The following COX6A2 variants were observed in gnomAD, a reference collection of about 807,000 sequenced individuals.
COX6A2 encodes the protein cytochrome c oxidase subunit 6A2.
COX6A2 carries 5 observed loss-of-function variants against 7.2 expected under a neutral mutation model. The observed-to-expected ratio is 0.69, with a 90% confidence interval of 0.36 to 1.45. The LOEUF (loss-of-function observed/expected upper bound fraction) is 1.45. COX6A2 is among the 40% of genes most tolerant of loss of function. The pLI is 0.03. For synonymous variants in COX6A2, 63 were observed against 55.9 expected, an observed-to-expected ratio of 1.13 and a Z score of -0.56; for missense variants, 174 against 137.7, an observed-to-expected ratio of 1.26 and a Z score of -1.32.
In COX6A2 at chr16:31,428,244, C is replaced by T; in HGVS notation, c.73+9G>A. 1 of 1,586,718 alleles carries T rather than the reference C, an allele frequency of 6.3e-7. No individual in the cohort carries two copies. The stretch of plus-strand genomic sequence containing the variant: ...GGGGAGCCCCCGGATCCGCCCGTTC[C>T]CCACTCACCTCCTGCTCCTCCGTGG... On this transcript the variant is annotated intron_variant, in intron 1 of 2. Coordinates refer to ENST00000287490, the MANE Select transcript of COX6A2 (RefSeq NM_005205.4).
Position 31,428,052 on chromosome 16 carries a change from T to G in COX6A2, c.173A>C (p.Glu58Ala). 6.5e-7 allele frequency: 1 copy of G among 1,538,104 alleles called. No individual in the cohort carries two copies. Among genetic ancestry groups the G allele is most frequent in the Non-Finnish European group, 8.7e-7 (1 of 1,143,050 alleles). The change falls in exon 2 of 3, where the codon GAG becomes GCG. Residue 58 changes from glutamate to alanine, a missense_variant. Transcript: ENST00000287490. The stretch of plus-strand genomic sequence containing the variant: ...GCGGAGGTGTTGGTAGGGACGGAAC[T>G]CGGGGCGCGGGCGGTGGCCCGAGTG... ...YLHSGHRPRP[E>A]FRPYQHLRIR...
At chr16:31,427,960 ACCC>A (rs1391925319) in intron 2 of COX6A2, 52 bp downstream of exon 2, 1 of 150,700 alleles carries the variant, frequency 6.6e-6, no homozygotes, top group African/African-American at 1.1e-4. Context: ...CCCCCGCAGC[ACCC>A]CCCCCCGCCC....
At chr16:31,428,216 G>T (rs370671772) in intron 1 of COX6A2, 37 bp downstream of exon 1, 610 of 1,549,544 alleles carry the variant, frequency 3.9e-4, no homozygotes, top group Non-Finnish European at 5.1e-4. Context: ...GGTGGGCAGG[G>T]TAGGGGAGCC....
At chr16:31,427,928 C>CCCCCGCCCCCGCAGCACCCCCCCCG in intron 2 of COX6A2, 71 bp from the exon 3 acceptor site, 2 of 332,816 alleles carry the variant, frequency 6.0e-6, no homozygotes, top group African/African-American at 1.2e-4. Flanking sequence ...GCGCGACCCC[C>CCCCCGCCCCCGCAGCACCCCCCCCG]CCCCCGCAGC....
At chr16:31,427,899 A>T in intron 2 of COX6A2, 42 bp from the exon 3 acceptor site, 2 of 800,456 alleles carry the variant, frequency 2.5e-6, no homozygotes, top group Non-Finnish European at 3.1e-6. Flanking sequence ...GAGCGCCGTG[A>T]GTCCGGAGTC....
intron 2 of COX6A2, 71 bp downstream of exon 2, chr16:31,427,944 C>A (rs1243491145): frequency 1.2e-5 from 4 of 332,218 alleles, no homozygotes; most frequent in Non-Finnish European, 4.4e-6. Context: ...GCAGCACCCC[C>A]CCCCGCCCCC....
In COX6A2 at chr16:31,428,108, G is replaced by A. The variant is rs1597176845; in HGVS notation, c.117C>T (p.Ser39=). The change falls in exon 2 of 3, where the codon AGC becomes AGT. Residue 39 remains serine, a synonymous_variant. Transcript: ENST00000287490. ...RLLTFVLALP[S]VALCTFNSYL... ...AGGAGTTGAAGGTGCAGAGGGCCAC[G>A]CTGGGCAGCGCCAGCACGAAGGTCA... 1.3e-6 allele frequency: 2 copies of A among 1,566,724 alleles called. No homozygotes were observed. The highest frequency in any genetic ancestry group is 1.7e-6 in the Non-Finnish European group (2 of 1,156,958).
At chr16:31,427,930 C>CA (rs1419988341) in intron 2 of COX6A2, 73 bp from the exon 3 acceptor site, 3 of 350,524 alleles carry the variant, frequency 8.6e-6, no homozygotes, top group Non-Finnish European at 1.2e-5. Flanking sequence ...GCGACCCCCC[C>CA]CCCGCAGCAC....
Position 31,427,793 on chromosome 16 carries a change from G to C in COX6A2, c.275C>G (p.Thr92Arg), listed in dbSNP as rs778229061. Reference sequence around the variant, plus strand: ...GGGGCCTCAGGGGTGTTCGTAGCCCGTGGGCAGAGGGTTCACGTGGCTATT... The same window carrying C: ...GGGGCCTCAGGGGTGTTCGTAGCCCCTGGGCAGAGGGTTCACGTGGCTATT... ...FHNSHVNPLP[T>R]GYEHP The change falls in exon 3 of 3, where the codon ACG becomes AGG. Residue 92 changes from threonine (T) to arginine (R), a missense_variant. By Grantham distance (71) the Thr-to-Arg change is moderately conservative. Coordinates refer to ENST00000287490, the MANE Select transcript of COX6A2 (RefSeq NM_005205.4). The C allele has an allele frequency of 1.4e-6, 2 of 1,413,046 alleles. No homozygotes were observed. Among genetic ancestry groups the C allele is most frequent in the Admixed American group, 2.9e-5 (1 of 34,016 alleles). The allele number at this position is 1,413,046 out of a possible 1,614,324, so 87.5% of individuals were successfully genotyped here. A position where few individuals can be genotyped will look rare whatever the true frequency, so the allele number is the denominator to read the frequency against.
intron 1 of COX6A2, 30 bp from the exon 2 acceptor site, chr16:31,428,181 T>G (rs1478303309): frequency 6.4e-7 from 1 of 1,558,032 alleles, no homozygotes; most frequent in Admixed American, 1.9e-5. Context: ...AGCGCGGCGG[T>G]CCTGGGGCGG....
intron 2 of COX6A2, 53 bp downstream of exon 2, chr16:31,427,962 C>G (rs1290362854): frequency 1.5e-6 from 1 of 663,892 alleles, no homozygotes; most frequent in African/African-American, 3.4e-5. Flanking sequence ...CCCGCAGCAC[C>G]CCCCCCCGCC....
Position 31,428,164 on chromosome 16 carries a change from C to A in COX6A2, c.74-13G>T, listed in dbSNP as rs745413427. On this transcript the variant is annotated splice_polypyrimidine_tract_variant and intron_variant, in intron 1 of 2. Coordinates refer to ENST00000287490, the MANE Select transcript of COX6A2 (RefSeq NM_005205.4). ...CGCCAGGTACGAGCTGCGGACGGAG[C>A]GGGGTGAGCGCGGCGGTCCTGGGGC... The A allele has an allele frequency of 1.9e-6, 3 of 1,566,920 alleles. No homozygotes were observed. The highest frequency in any genetic ancestry group is 2.7e-5 in the African/African-American group (2 of 73,522).
Position 31,427,841 on chromosome 16 carries a change from TC to T in COX6A2, c.226del (p.Asp76ThrfsTer12). 18 of 1,368,056 alleles carry T rather than the reference TC, an allele frequency of 1.3e-5. No individual in the cohort carries two copies. Among genetic ancestry groups the T allele is most frequent in the South Asian group, 9.5e-5 (5 of 52,724 alleles). 84.7% of individuals were successfully genotyped at this position (1,368,056 alleles called of 1,614,324 possible). On this transcript the variant is annotated frameshift_variant, in exon 3 of 3. Coordinates refer to ENST00000287490, the MANE Select transcript of COX6A2 (RefSeq NM_005205.4). LOFTEE classifies it high-confidence loss of function. ...ATTGTGGAACAGAGTGTGGTTGCCGTCCCCCCAGGGGTAGGGCTGTGGAGAG... is the reference window on the plus strand; with the variant it reads ...ATTGTGGAACAGAGTGTGGTTGCCGTCCCCCAGGGGTAGGGCTGTGGAGAG... ...RIRTKPYPWG[D>X]GNHTLFHNSH... is the part of the protein sequence containing the mutation.
chr16:31,427,760 G>A lies in COX6A2; in HGVS notation c.*14C>T. 1 of 1,399,038 alleles carries A rather than the reference G, an allele frequency of 7.1e-7. No individual in the cohort carries two copies. Among genetic ancestry groups the A allele is most frequent in the Non-Finnish European group, 9.3e-7 (1 of 1,071,572 alleles). 86.7% of individuals were successfully genotyped at this position (1,399,038 alleles called of 1,614,324 possible). On this transcript the variant is annotated 3_prime_UTR_variant, in exon 3 of 3. Coordinates refer to ENST00000287490, the MANE Select transcript of COX6A2 (RefSeq NM_005205.4). The stretch of plus-strand genomic sequence containing the variant: ...AGCTTCACACCTTTATTGTGTCCGG[G>A]GGCGTCCGGGGCCTCAGGGGTGTTC...
intron 1 of COX6A2, 25 bp from the exon 2 acceptor site, chr16:31,428,176 G>A: frequency 6.4e-7 from 1 of 1,561,416 alleles, no homozygotes; most frequent in Admixed American, 1.9e-5. Context: ...GGGTGAGCGC[G>A]GCGGTCCTGG....
Position 31,427,801 on chromosome 16 carries a change from A to G in COX6A2, c.267T>C (p.Pro89=). 1 of 1,413,242 alleles carries G rather than the reference A, an allele frequency of 7.1e-7. No homozygotes were observed. Among genetic ancestry groups the G allele is most frequent in the South Asian group, 1.8e-5 (1 of 56,802 alleles). The allele number at this position is 1,413,242 out of a possible 1,614,324, so 87.5% of individuals were successfully genotyped here. Residue 89 remains proline (P), a synonymous_variant, in exon 3 of 3, where the codon CCT becomes CCC. Transcript: ENST00000287490. ...HTLFHNSHVN[P]LPTGYEHP is the part of the protein sequence containing the mutation. ...AGGGGTGTTCGTAGCCCGTGGGCAG[A>G]GGGTTCACGTGGCTATTGTGGAACA...
At chr16:31,427,922 GACCCC>G (rs2082148915) in intron 2 of COX6A2, 65 bp from the exon 3 acceptor site, 2 of 206,540 alleles carry the variant, frequency 9.7e-6, no homozygotes, top group Non-Finnish European at 6.0e-6. Flanking sequence ...CGCCCCGCGC[GACCCC>G]CCCCCCGCAG....
Position 31,428,333 on chromosome 16 carries a change from C to A in COX6A2, c.-8G>T, listed in dbSNP as rs779830938. 39 of 1,592,992 alleles carry A rather than the reference C, an allele frequency of 2.4e-5. No homozygotes were observed. Among genetic ancestry groups the A allele is most frequent in the Non-Finnish European group, 2.7e-5 (32 of 1,170,252 alleles). On this transcript the variant is annotated 5_prime_UTR_variant, in exon 1 of 3. Coordinates refer to ENST00000287490, the MANE Select transcript of COX6A2 (RefSeq NM_005205.4). ...CCTCAGAGGCAAAGCCATGATGGTG[C>A]GGGGAGCCGGGAACCAGCGCTGTCC...
rs1177768298 is a variant in COX6A2 at position 31,428,341 on chromosome 16, C to T, written c.-16G>A. ...GCAAAGCCATGATGGTGCGGGGAGC[C>T]GGGAACCAGCGCTGTCCTCGCTCCC... On this transcript the variant is annotated 5_prime_UTR_variant, in exon 1 of 3. Transcript: ENST00000287490. 18 of 1,584,640 alleles carry T rather than the reference C, an allele frequency of 1.1e-5. No individual in the cohort carries two copies. The highest frequency in any genetic ancestry group is 1.0e-5 in the Non-Finnish European group (12 of 1,165,810).
Sources: gnomAD v4.1 joint callset for allele counts on GRCh38, gnomAD v4.1.1 for gene constraint, MANE v1.5 for transcripts, NCBI Gene and HGNC (gene_info 2026-07-23, HGNC 2026-07-21) for gene names.